C6: variants seen among roughly 807,000 people sequenced by gnomAD.
The protein encoded by C6 is complement component C6.
In C6, 101 loss-of-function variants were observed where a neutral mutation model predicts 112.9. The ratio of observed to expected loss-of-function variants is 0.89; its 90% CI spans 0.76 to 1.06. The LOEUF is 1.06. Ranked by LOEUF, C6 falls within the 50% of genes least tolerant of loss-of-function variation. The pLI, the probability that C6 is intolerant of heterozygous loss-of-function variation, is 0.00. For missense variants in C6, 1,202 were observed against 1,104.6 expected (o/e 1.09, Z -1.25); for synonymous variants, 431 against 384.1 (o/e 1.12, Z -1.43).
intron 6 of C6, among the ~76,000 whole-genome samples, chr5:41,181,925 C>T (rs962133940): frequency 6.6e-6 from 1 of 152,174 alleles, no homozygotes; most frequent in African/African-American, 2.4e-5. Context: ...GATTTTGATG[C>T]AGTGTGCAGT....
chr5:41,191,067 C>CTTTTT (rs142519688), intron 5 of C6, among the ~76,000 whole-genome samples: 1,607 of 84,728 alleles, frequency 0.019, 151 homozygotes, highest in African/African-American at 0.04. Context: ...ATGCCTTTGG[C>CTTTTT]TTTTTTTTTT....
At chr5:41,252,938 T>G (rs1325281666) in intron 1 of C6, among the ~76,000 whole-genome samples, 2 of 152,176 alleles carry the variant, frequency 1.3e-5, no homozygotes. Flanking sequence ...CTCCTTAAAA[T>G]GTGTAAAACC....
chr5:41,228,163 T>C (rs1203291780), intron 1 of C6, among the ~76,000 whole-genome samples: 1 of 152,142 alleles, frequency 6.6e-6, no homozygotes, highest in Non-Finnish European at 1.5e-5. Flanking sequence ...TATATAGTTT[T>C]CAGTATACAG....
chr5:41,231,014 C>T (rs1415688114), intron 1 of C6, among the ~76,000 whole-genome samples: 1 of 152,200 alleles, frequency 6.6e-6, no homozygotes, highest in African/African-American at 2.4e-5. Context: ...GCCATTCCTG[C>T]TCTCTTTTGT....
At chr5:41,190,967 A>AT (rs898559865) in intron 5 of C6, among the ~76,000 whole-genome samples, 3 of 149,948 alleles carry the variant, frequency 2.0e-5, no homozygotes, top group Non-Finnish European at 4.4e-5. Flanking sequence ...CTATGCATCT[A>AT]TTTTTATGCC....
chr5:41,169,174 C>A (rs1748219151), intron 9 of C6, among the ~76,000 whole-genome samples: 1 of 152,084 alleles, frequency 6.6e-6, no homozygotes, highest in Non-Finnish European at 1.5e-5. Flanking sequence ...GGCAAATGAC[C>A]TATCAGATGA....
intron 1 of C6, among the ~76,000 whole-genome samples, chr5:41,223,006 AT>A (rs1200909525): frequency 2.0e-5 from 3 of 152,210 alleles, no homozygotes; most frequent in Non-Finnish European, 2.9e-5. Context: ...TGGAATTTCT[AT>A]TGTAAATAAA....
intron 15 of C6, among the ~76,000 whole-genome samples, chr5:41,150,910 C>T (rs1039264377): frequency 3.4e-5 from 5 of 148,998 alleles, no homozygotes; most frequent in Non-Finnish European, 7.4e-5. Context: ...AGGCAGGCAG[C>T]ATGTGAGTTT....
chr5:41,242,241 G>A (rs887025394), intron 1 of C6, among the ~76,000 whole-genome samples: 1 of 152,116 alleles, frequency 6.6e-6, no homozygotes, highest in African/African-American at 2.4e-5. Context: ...GTTCATGGGG[G>A]CGGTTTCCCC....
At chr5:41,201,843 G>A in intron 2 of C6, 129 bp from the exon 3 acceptor site, 1 of 826,964 alleles carries the variant, frequency 1.2e-6, no homozygotes. Flanking sequence ...GAAAAATTAG[G>A]CAGGTTGGCA....
At chr5:41,244,847 A>C (rs1740928563) in intron 1 of C6, among the ~76,000 whole-genome samples, 1 of 152,194 alleles carries the variant, frequency 6.6e-6, no homozygotes, top group Non-Finnish European at 1.5e-5. Flanking sequence ...GTTTTAAATC[A>C]TGAATGAGTT....
chr5:41,233,859 C>T (rs1580235450), intron 1 of C6, among the ~76,000 whole-genome samples: 1 of 152,120 alleles, frequency 6.6e-6, no homozygotes, highest in African/African-American at 2.4e-5. Context: ...TCTATATTTA[C>T]AGTTTATTTA....
chr5:41,169,997 T>TA (rs1269978065), intron 9 of C6, among the ~76,000 whole-genome samples: 3 of 152,290 alleles, frequency 2.0e-5, no homozygotes, highest in East Asian at 3.9e-4. Context: ...TTTTTTCCAG[T>TA]AGGACTTAAT....
intron 1 of C6, among the ~76,000 whole-genome samples, chr5:41,212,010 T>C (rs1187806858): frequency 6.6e-6 from 1 of 152,188 alleles, no homozygotes; most frequent in Non-Finnish European, 1.5e-5. Flanking sequence ...GCTATAACTG[T>C]TCTGAGGCAA....
At chr5:41,226,612 A>AC (rs898552676) in intron 1 of C6, among the ~76,000 whole-genome samples, 3 of 151,386 alleles carry the variant, frequency 2.0e-5, no homozygotes, top group African/African-American at 7.3e-5. Context: ...CATTCCTATC[A>AC]CCTCCCTCCT....
intron 1 of C6, among the ~76,000 whole-genome samples, chr5:41,253,786 G>T (rs753555213): frequency 6.6e-6 from 1 of 152,036 alleles, no homozygotes; most frequent in South Asian, 2.1e-4. Flanking sequence ...TTAAAAATAT[G>T]GTATTTTTAT....
At chr5:41,181,263 G>A (rs1022828490) in intron 7 of C6, 96 bp downstream of exon 7, 2 of 1,118,794 alleles carry the variant, frequency 1.8e-6, no homozygotes, top group Admixed American at 1.7e-5. Context: ...AGTCATACTG[G>A]TACAATATCA....
intron 1 of C6, among the ~76,000 whole-genome samples, chr5:41,247,203 A>G (rs1323684570): frequency 3.9e-5 from 6 of 152,160 alleles, no homozygotes; most frequent in Admixed American, 6.6e-5. Flanking sequence ...GGCAAAGGAA[A>G]AAAAATAAAT....
intron 1 of C6, among the ~76,000 whole-genome samples, chr5:41,234,738 T>C (rs1426877305): frequency 6.6e-6 from 1 of 152,190 alleles, no homozygotes; most frequent in Non-Finnish European, 1.5e-5. Flanking sequence ...ATTAGTCATG[T>C]TCACTAGTAA....
Sources: allele counts gnomAD v4.1 joint callset (sites outside exome capture counted in the v4.1 genomes callset), GRCh38; gene constraint gnomAD v4.1.1; transcripts MANE v1.5; gene names NCBI Gene and HGNC (gene_info 2026-07-23, HGNC 2026-07-21).